The following UQCC1 variants were observed in gnomAD, a reference collection of about 807,000 sequenced individuals.
UQCC1 encodes the protein ubiquinol-cytochrome c reductase complex assembly factor 1.
Under a neutral mutation model 48.0 loss-of-function variants are expected in UQCC1, and 38 were observed. The observed-to-expected ratio is 0.79, with a 90% CI of 0.61 to 1.04. The LOEUF (loss-of-function observed/expected upper bound fraction) is 1.04, where lower values mean the gene tolerates loss of function less well. UQCC1 is among the 50% of genes least tolerant of loss of function. The pLI is 0.00. For missense variants in UQCC1, 368 were observed against 381.8 expected (o/e 0.96, Z 0.30); for synonymous variants, 111 against 129.2 (o/e 0.86, Z 0.95).
intron 6 of UQCC1, among the ~76,000 whole-genome samples, chr20:35,359,511 T>C (rs2061582506): frequency 6.6e-6 from 1 of 152,250 alleles, no homozygotes; most frequent in Non-Finnish European, 1.5e-5. Flanking sequence ...TTATTCCTGA[T>C]GCTGACCTCC....
Position 35,382,013 on chromosome 20 carries a change from T to G in UQCC1, c.238A>C (p.Lys80Gln). The change falls in exon 4 of 10, where the codon AAA (lysine) becomes CAA (glutamine). Residue 80 changes from lysine (K) to glutamine (Q), a missense_variant. Transcript: ENST00000374385. ...TCCTCAACAGGCTGTGGGGAATCTTTGGTAGTAGAAAGCTGATTAACCAAA... is the reference window on the plus strand; with the variant it reads ...TCCTCAACAGGCTGTGGGGAATCTTGGGTAGTAGAAAGCTGATTAACCAAA... ...YHTTRKLSTTKDSPQPVEEKV... is the reference protein window; with the variant it reads ...YHTTRKLSTTQDSPQPVEEKV... 1 of 1,598,192 alleles carries G rather than the reference T, an allele frequency of 6.3e-7. No homozygotes were observed. Among genetic ancestry groups the G allele is most frequent in the Non-Finnish European group, 8.5e-7 (1 of 1,175,214 alleles).
rs1399572274 is a variant in UQCC1, at chr20:35,338,882, A to T, written c.573+8282T>A. On this transcript the variant is annotated intron_variant, in intron 7 of 9. Transcript: ENST00000374385. ...AAAAAAAAAAAAAAAAAAAAAAAAA[A>T]AAAAAAAAAAATATATATATATATA... is the stretch of plus-strand genomic sequence containing the variant. Among the ~76,000 whole-genome samples the T allele has an allele frequency of 7.1e-3, 425 of 60,008 alleles. 16 individuals are homozygous for T. The highest frequency in any genetic ancestry group is 0.064 in the African/African-American group (292 of 4,592). 39.4% of individuals were successfully genotyped at this position (60,008 alleles called of 152,430 possible).
chr20:35,328,968 C>T (rs1237778185), intron 7 of UQCC1, among the ~76,000 whole-genome samples: 4 of 152,218 alleles, frequency 2.6e-5, no homozygotes, highest in Non-Finnish European at 5.9e-5. Context: ...TATCTACCAA[C>T]CACATTCAGG....
intron 7 of UQCC1, among the ~76,000 whole-genome samples, chr20:35,326,892 TG>T (rs2061201067): frequency 6.6e-6 from 1 of 152,088 alleles, no homozygotes; most frequent in South Asian, 2.1e-4. Context: ...GGCAAACAGG[TG>T]AATATAGATC....
At chr20:35,328,233 A>G (rs1264826952) in intron 7 of UQCC1, among the ~76,000 whole-genome samples, 3 of 152,168 alleles carry the variant, frequency 2.0e-5, no homozygotes, top group Non-Finnish European at 4.4e-5. Flanking sequence ...TAGGAAACGC[A>G]CTGAAATCTA....
At position 35,346,835 on chromosome 20, in the gene UQCC1, GTA is replaced by G. The variant is rs1038496852; in HGVS notation, c.573+327_573+328del. ...TTCAAATATTGAACTGGTGTCAAAG[GTA>G]TAGTATCCTTAACTGGATTATCATT... On this transcript the variant is annotated intron_variant, in intron 7 of 9. Transcript: ENST00000374385. The G allele has an allele frequency of 1.4e-5, 10 of 703,026 alleles. No homozygotes were observed. The African/African-American group carries it at 1.8e-4, about 13-fold the overall frequency. The allele number at this position is 703,026 out of a possible 1,614,324, so 43.5% of individuals were successfully genotyped here.
chr20:35,362,183 T>G (rs2061613945), intron 6 of UQCC1, among the ~76,000 whole-genome samples: 1 of 152,136 alleles, frequency 6.6e-6, no homozygotes, highest in South Asian at 2.1e-4. Flanking sequence ...GGAAGGGCCT[T>G]CTAGGCAGAA....
intron 1 of UQCC1, among the ~76,000 whole-genome samples, chr20:35,395,590 C>T (rs537705898): frequency 7.4e-4 from 113 of 152,194 alleles, no homozygotes; most frequent in African/African-American, 2.6e-3. Context: ...GGGATAAAGA[C>T]CAAATATATA....
chr20:35,359,427 A>C (rs187636907), intron 6 of UQCC1, among the ~76,000 whole-genome samples: 2 of 152,340 alleles, frequency 1.3e-5, no homozygotes, highest in East Asian at 3.9e-4. Flanking sequence ...CTGTCTGTAG[A>C]GTTCAAAGGA....
chr20:35,332,780 G>T (rs573829127), intron 7 of UQCC1, among the ~76,000 whole-genome samples: 1 of 152,332 alleles, frequency 6.6e-6, no homozygotes, highest in South Asian at 2.1e-4. Flanking sequence ...GCGAGAAAGA[G>T]AATGTCCTCC....
chr20:35,399,655 G>A (rs2062131147), intron 1 of UQCC1, among the ~76,000 whole-genome samples: 1 of 151,868 alleles, frequency 6.6e-6, no homozygotes. Context: ...TCAGGAGTTC[G>A]AGACCAGCCT....
chr20:35,354,442 G>A (rs538564357), intron 6 of UQCC1, among the ~76,000 whole-genome samples: 2 of 149,680 alleles, frequency 1.3e-5, no homozygotes, highest in Non-Finnish European at 3.0e-5. Flanking sequence ...TGTCGCCCAG[G>A]CTGGAGTGCA....
At chr20:35,366,750 G>C (rs1397409555) in intron 5 of UQCC1, 136 bp from the exon 6 acceptor site, 1 of 662,186 alleles carries the variant, frequency 1.5e-6, no homozygotes, top group Non-Finnish European at 2.6e-6. Context: ...AGAACAATAG[G>C]GCGAGACCAC....
At chr20:35,314,250 C>G (rs934450217) in intron 8 of UQCC1, among the ~76,000 whole-genome samples, 20 of 151,764 alleles carry the variant, frequency 1.3e-4, no homozygotes, top group African/African-American at 4.1e-4. Flanking sequence ...CTGCGCCCAG[C>G]CAGTTTTACA....
chr20:35,324,741 T>C lies in UQCC1; in HGVS notation c.574-9976A>G, dbSNP rs76565114. Among the ~76,000 whole-genome samples, 487 of 152,268 alleles carry C rather than the reference T, an allele frequency of 3.2e-3. 1 individual carries two copies. The highest frequency in any genetic ancestry group is 8.6e-3 in the African/African-American group (357 of 41,554). On this transcript the variant is annotated intron_variant, in intron 7 of 9. Coordinates refer to ENST00000374385, the MANE Select transcript of UQCC1 (RefSeq NM_018244.5). ...AACCCTCATGCATTGTTGAAGAAAA[T>C]GTAAAATGGTACAGCCACTGTGGAA...
At chr20:35,358,407 T>A (rs937417248) in intron 6 of UQCC1, among the ~76,000 whole-genome samples, 2 of 121,148 alleles carry the variant, frequency 1.7e-5, no homozygotes, top group Non-Finnish European at 3.3e-5. Context: ...CCAATCTGTA[T>A]CCAGGAAACA....
intron 6 of UQCC1, among the ~76,000 whole-genome samples, chr20:35,362,560 T>C (rs575614176): frequency 6.6e-6 from 1 of 152,280 alleles, no homozygotes; most frequent in African/African-American, 2.4e-5. Context: ...GGTTTCACCA[T>C]GTTGGCCAAG....
At chr20:35,358,126 G>C (rs2061566617) in intron 6 of UQCC1, among the ~76,000 whole-genome samples, 1 of 152,068 alleles carries the variant, frequency 6.6e-6, no homozygotes, top group Admixed American at 6.5e-5. Context: ...GGCCGAGGAG[G>C]GTGGATCACC....
At chr20:35,369,097 C>T (rs1365039322) in intron 5 of UQCC1, among the ~76,000 whole-genome samples, 1 of 152,222 alleles carries the variant, frequency 6.6e-6, no homozygotes, top group Non-Finnish European at 1.5e-5. Context: ...AGCTTCTCAG[C>T]AGCCTCCAGG....
Sources: allele counts gnomAD v4.1 joint callset (sites outside exome capture counted in the v4.1 genomes callset), GRCh38; gene constraint gnomAD v4.1.1; transcripts MANE v1.5; gene names NCBI Gene and HGNC (gene_info 2026-07-23, HGNC 2026-07-21).